LRMDA: variants seen among roughly 807,000 people sequenced by gnomAD.
LRMDA encodes the protein leucine-rich melanocyte differentiation-associated protein.
Under a neutral mutation model 29.8 loss-of-function variants are expected in LRMDA, and 18 were observed. The observed-to-expected ratio is 0.60, with a 90% CI of 0.42 to 0.90. LRMDA has a LOEUF of 0.90. Ranked by LOEUF, LRMDA falls within the 40% of genes least tolerant of loss-of-function variation. The probability of loss-of-function intolerance (pLI) is 0.00; values close to 1 mark genes in which losing one functional copy is unlikely to be tolerated. For missense variants in LRMDA, 273 were observed against 273.9 expected (o/e 1.00, Z 0.02); for synonymous variants, 125 against 109.4 (o/e 1.14, Z -0.89).
chr10:76,202,774 C>T (rs963035451), intron 5 of LRMDA, among the ~76,000 whole-genome samples: 3 of 151,762 alleles, frequency 2.0e-5, no homozygotes, highest in South Asian at 2.1e-4. Context: ...GAGGAAGGAG[C>T]GGACACTAGA....
intron 2 of LRMDA, among the ~76,000 whole-genome samples, chr10:75,606,285 A>C (rs1056215891): frequency 1.3e-5 from 2 of 152,200 alleles, no homozygotes; most frequent in Non-Finnish European, 2.9e-5. Context: ...AGTGTGCGAG[A>C]AGGTAGAATA....
chr10:76,254,358 C>CCTATCCTATGCTATG (rs1554859388), intron 5 of LRMDA, among the ~76,000 whole-genome samples: 187 of 131,380 alleles, frequency 1.4e-3, no homozygotes, highest in Middle Eastern at 0.012. Context: ...CCTATCCTAT[C>CCTATCCTATGCTATG]CTATGCTATG....
chr10:75,993,627 A>G (rs1853392), intron 2 of LRMDA, among the ~76,000 whole-genome samples: 145,815 of 152,104 alleles, frequency 0.96, 69,945 homozygotes, highest in East Asian at 1. Flanking sequence ...CAGCTACTTG[A>G]GAGGCTGAGG....
chr10:76,250,713 T>C (rs1852463602), intron 5 of LRMDA, among the ~76,000 whole-genome samples: 1 of 152,196 alleles, frequency 6.6e-6, no homozygotes, highest in African/African-American at 2.4e-5. Flanking sequence ...CCATACAGTC[T>C]TTTCTTTGCA....
chr10:76,307,384 A>G (rs957938643), intron 5 of LRMDA, among the ~76,000 whole-genome samples: 4 of 152,104 alleles, frequency 2.6e-5, no homozygotes, highest in African/African-American at 9.7e-5. Context: ...AGATGTTTTG[A>G]ATGTCTGGGA....
At chr10:75,612,928 GC>G (rs1334853592) in intron 2 of LRMDA, among the ~76,000 whole-genome samples, 1 of 152,044 alleles carries the variant, frequency 6.6e-6, no homozygotes, top group African/African-American at 2.4e-5. Context: ...AAAAGACTTG[GC>G]CCAGCCTTTC....
chr10:76,272,073 G>T (rs890341109), intron 5 of LRMDA, among the ~76,000 whole-genome samples: 1 of 152,124 alleles, frequency 6.6e-6, no homozygotes, highest in South Asian at 2.1e-4. Context: ...AGGGATTGTT[G>T]GTCTTCCATG....
chr10:76,476,208 CAA>C (rs1842669144), intron 6 of LRMDA, among the ~76,000 whole-genome samples: 2 of 151,832 alleles, frequency 1.3e-5, no homozygotes, highest in Admixed American at 1.3e-4. Context: ...TAAAAAATGA[CAA>C]AGGGGATATC....
intron 5 of LRMDA, among the ~76,000 whole-genome samples, chr10:76,268,848 T>C (rs10762706): frequency 0.55 from 83,762 of 151,430 alleles, 24,317 homozygotes; most frequent in African/African-American, 0.75. Flanking sequence ...GTATCTCTCC[T>C]GTGTTTTCTC....
chr10:75,795,633 T>C (rs1406857464), intron 2 of LRMDA, among the ~76,000 whole-genome samples: 1 of 152,226 alleles, frequency 6.6e-6, no homozygotes, highest in Non-Finnish European at 1.5e-5. Flanking sequence ...TCTTGACTAC[T>C]GTAGCTTTAT....
chr10:76,401,643 G>A (rs1214587575), intron 6 of LRMDA, among the ~76,000 whole-genome samples: 1 of 152,154 alleles, frequency 6.6e-6, no homozygotes, highest in Non-Finnish European at 1.5e-5. Context: ...AGTTGGGGTT[G>A]GGTACACATG....
intron 2 of LRMDA, among the ~76,000 whole-genome samples, chr10:75,813,235 C>T (rs560718714): frequency 6.6e-6 from 1 of 152,196 alleles, no homozygotes; most frequent in Non-Finnish European, 1.5e-5. Flanking sequence ...AGTGGAGCTG[C>T]TGGTGGCATC....
At chr10:76,300,325 T>C (rs530814164) in intron 5 of LRMDA, among the ~76,000 whole-genome samples, 19 of 152,318 alleles carry the variant, frequency 1.2e-4, no homozygotes, top group African/African-American at 4.6e-4. Context: ...CACTCTGGGT[T>C]GTTGGCACAA....
chr10:75,473,738 G>A (rs540780776), intron 2 of LRMDA, among the ~76,000 whole-genome samples: 1 of 152,322 alleles, frequency 6.6e-6, no homozygotes, highest in East Asian at 1.9e-4. Flanking sequence ...GGCTGCCTGT[G>A]TAGTGTCTGA....
intron 5 of LRMDA, among the ~76,000 whole-genome samples, chr10:76,267,322 A>G (rs1840018972): frequency 6.6e-6 from 1 of 152,172 alleles, no homozygotes; most frequent in African/African-American, 2.4e-5. Flanking sequence ...AAATTGTGGT[A>G]AAAATATATA....
chr10:76,176,672 A>C (rs950355229), intron 5 of LRMDA, among the ~76,000 whole-genome samples: 1 of 152,198 alleles, frequency 6.6e-6, no homozygotes, highest in Non-Finnish European at 1.5e-5. Context: ...AGGCACCTGT[A>C]ATCCCAGTTA....
chr10:75,872,151 G>A (rs902578830), intron 2 of LRMDA, among the ~76,000 whole-genome samples: 18 of 152,090 alleles, frequency 1.2e-4, no homozygotes, highest in Admixed American at 6.5e-5. Context: ...CTTGAGAGAA[G>A]CGATGTTGCT....
Position 75,540,975 on chromosome 10 carries a change from G to GTT in LRMDA, c.131+102490_131+102491dup, listed in dbSNP as rs147745801. On this transcript the variant is annotated intron_variant, in intron 2 of 6. Coordinates refer to ENST00000611255, the MANE Select transcript of LRMDA (RefSeq NM_001305581.2). The stretch of plus-strand genomic sequence containing the variant: ...CAAACTTAGGGAAACAAGTTTTGTT[G>GTT]TTTTTTTTTTAAAAAGGAAAAAAAC... Among the ~76,000 whole-genome samples the GTT allele has an allele frequency of 3.7e-3, 546 of 149,546 alleles. 3 individuals are homozygous for GTT. Among genetic ancestry groups the GTT allele is most frequent in the African/African-American group, 0.013 (521 of 40,876 alleles).
At chr10:75,796,302 T>C (rs1843652322) in intron 2 of LRMDA, among the ~76,000 whole-genome samples, 1 of 152,216 alleles carries the variant, frequency 6.6e-6, no homozygotes, top group Non-Finnish European at 1.5e-5. Context: ...TTATCATATG[T>C]ATTATCTTTG....
Sources: allele counts gnomAD v4.1 joint callset (sites outside exome capture counted in the v4.1 genomes callset), GRCh38; gene constraint gnomAD v4.1.1; transcripts MANE v1.5; gene names NCBI Gene and HGNC (gene_info 2026-07-23, HGNC 2026-07-21).